Variants in DSC3 observed in about 807,000 individuals in gnomAD.
DSC3 encodes desmocollin-3.
A neutral mutation model predicts 89.5 loss-of-function variants in DSC3; 97 were observed. That is an observed-to-expected ratio of 1.08 (90% CI 0.92 to 1.28). The LOEUF (loss-of-function observed/expected upper bound fraction) is 1.28. Ranked by LOEUF, DSC3 falls within the 50% of genes most tolerant of loss-of-function variation. The pLI is 0.00. For synonymous variants in DSC3, 436 were observed against 384.1 expected (o/e 1.14, Z -1.58); for missense variants, 1,199 against 1,085.3 (o/e 1.10, Z -1.47).
intron 9 of DSC3, among the ~76,000 whole-genome samples, chr18:31,011,004 A>C (rs965028305): frequency 1.3e-5 from 2 of 152,232 alleles, no homozygotes; most frequent in Non-Finnish European, 2.9e-5. Context: ...GCTATTAGGG[A>C]GGCAGAAAGA....
rs751993597 is a variant in DSC3, at chr18:31,024,427, C to T, written c.697G>A (p.Val233Ile). 1 of 1,612,258 alleles carries T rather than the reference C, an allele frequency of 6.2e-7. No individual in the cohort carries two copies. The highest frequency in any genetic ancestry group is 1.1e-5 in the South Asian group (1 of 90,796). ...ADLPLPLPIRVEDENDNHPVF... is the reference protein window; with the variant it reads ...ADLPLPLPIRIEDENDNHPVF... ...GGGTGGTTGTCATTTTCATCCTCTA[C>T]CCTGATGGGTAGTGGGAGGGGCAGA... The change falls in exon 6 of 16, where the codon GTA becomes ATA. Residue 233 changes from valine to isoleucine, a missense_variant. By Grantham distance (29) the Val-to-Ile change is conservative. Transcript: ENST00000360428.
intron 1 of DSC3, among the ~76,000 whole-genome samples, chr18:31,037,274 A>G (rs1466704118): frequency 1.3e-5 from 2 of 152,214 alleles, no homozygotes; most frequent in Non-Finnish European, 2.9e-5. Context: ...GCTTATATCC[A>G]TGAAACTTGC....
At chr18:30,999,335 G>A (rs1984577500) in intron 14 of DSC3, among the ~76,000 whole-genome samples, 1 of 151,604 alleles carries the variant, frequency 6.6e-6, no homozygotes, top group African/African-American at 2.4e-5. Context: ...CTGTCGCATT[G>A]CCTTAGAAAA....
Position 31,014,443 on chromosome 18 carries a change from G to A in DSC3, c.1263+3628C>T, listed in dbSNP as rs138792583. On this transcript the variant is annotated intron_variant, in intron 9 of 15. Transcript: ENST00000360428. ...CTGACAGACCAAGTAAAAGTGAGAC[G>A]TTTTACACCATGTTTTTTGTTTCTT... Among the ~76,000 whole-genome samples, 1,093 of 152,000 alleles carry A rather than the reference G, an allele frequency of 7.2e-3. 10 individuals carry two copies. The highest frequency in any genetic ancestry group is 0.025 in the African/African-American group (1,054 of 41,492).
chr18:31,026,485 A>G (rs1403496467), intron 4 of DSC3, among the ~76,000 whole-genome samples: 1 of 152,080 alleles, frequency 6.6e-6, no homozygotes, highest in Non-Finnish European at 1.5e-5. Flanking sequence ...TAAGGAAAAA[A>G]GCAGGTAGAC....
chr18:31,015,386 G>A (rs1985201879), intron 9 of DSC3, among the ~76,000 whole-genome samples: 1 of 152,054 alleles, frequency 6.6e-6, no homozygotes, highest in Admixed American at 6.6e-5. Flanking sequence ...ATCACCTTTG[G>A]AAATGTTTTT....
chr18:31,032,415 G>T (rs1029479794), intron 1 of DSC3, 139 bp from the exon 2 acceptor site: 22 of 689,600 alleles, frequency 3.2e-5, no homozygotes, highest in Non-Finnish European at 5.6e-5. Context: ...GGAATAGAAA[G>T]GAATTTGCTC....
At chr18:31,033,516 AT>A (rs2144734148) in intron 1 of DSC3, among the ~76,000 whole-genome samples, 1 of 152,270 alleles carries the variant, frequency 6.6e-6, no homozygotes, top group Non-Finnish European at 1.5e-5. Context: ...TTTTCAACAA[AT>A]GGTGTTGGGA....
intron 1 of DSC3, among the ~76,000 whole-genome samples, chr18:31,036,219 A>G (rs1320978630): frequency 6.6e-6 from 1 of 152,156 alleles, no homozygotes; most frequent in East Asian, 1.9e-4. Flanking sequence ...TATTTCCCAT[A>G]TCCTCCCTTA....
intron 6 of DSC3, among the ~76,000 whole-genome samples, chr18:31,023,632 G>T (rs1985496937): frequency 6.6e-6 from 1 of 152,058 alleles, no homozygotes; most frequent in Non-Finnish European, 1.5e-5. Context: ...GCAACTACTG[G>T]AAACTTTAAA....
Position 31,024,354 on chromosome 18 carries a change from C to A in DSC3, c.770G>T (p.Arg257Ile). The change falls in exon 6 of 16, where the codon AGA (arginine) becomes ATA (isoleucine). Residue 257 changes from arginine to isoleucine, a missense_variant. By Grantham distance (97) the Arg-to-Ile change is moderately conservative. Transcript: ENST00000360428. ...IYNFEVLESSRPGTTVGVVCA... is the reference protein window; with the variant it reads ...IYNFEVLESSIPGTTVGVVCA... ...ATTCTTAAAAGCAGACTTACCAGGT[C>A]TACTACTTTCCAAAACTTCAAAATT... The A allele has an allele frequency of 6.2e-7, 1 of 1,602,090 alleles. No homozygotes were observed. The highest frequency in any genetic ancestry group is 1.1e-5 in the South Asian group (1 of 89,384).
chr18:31,026,452 A>G (rs1360749174), intron 4 of DSC3, among the ~76,000 whole-genome samples: 2 of 152,120 alleles, frequency 1.3e-5, no homozygotes, highest in Non-Finnish European at 2.9e-5. Context: ...TTTGTCAAGC[A>G]TGACTAGAGG....
intron 5 of DSC3, among the ~76,000 whole-genome samples, chr18:31,025,362 CA>C (rs1400029594): frequency 1.1e-4 from 17 of 151,854 alleles, no homozygotes; most frequent in African/African-American, 3.9e-4. Context: ...GGAAGGAAGA[CA>C]AAAATGGAAG....
Position 30,993,821 on chromosome 18 carries a change from C to T in DSC3, c.*354G>A. 1 of 190,504 alleles carries T rather than the reference C, an allele frequency of 5.2e-6. No individual in the cohort carries two copies. Among genetic ancestry groups the T allele is most frequent in the Non-Finnish European group, 1.1e-5 (1 of 91,014 alleles). The allele number at this position is 190,504 out of a possible 1,614,324, so 11.8% of individuals were successfully genotyped here. A position where few individuals can be genotyped will look rare whatever the true frequency, so the allele number is the denominator to read the frequency against. On this transcript the variant is annotated 3_prime_UTR_variant, in exon 16 of 16. Coordinates refer to ENST00000360428, the MANE Select transcript of DSC3 (RefSeq NM_001941.5). ...ATTTCTTGTTTATTTTTTAAACTAT[C>T]ACTTAAAGTGAATACATAATAATGT...
chr18:31,025,799 GC>G lies in DSC3; in HGVS notation c.590del (p.Cys197SerfsTer15). 1 of 1,613,156 alleles carries G rather than the reference GC, an allele frequency of 6.2e-7. No homozygotes were observed. On this transcript the variant is annotated frameshift_variant, in exon 5 of 16. Coordinates refer to ENST00000360428, the MANE Select transcript of DSC3 (RefSeq NM_001941.5). LOFTEE classifies it high-confidence loss of function. ...ATTCTTCACGATCCACAGGCCGAGT[GC>G]AAAATAGATTTCCAGTGTCTCTTTC... ...YIERDTGNLF[C>X]TRPVDREEYD... is the part of the protein sequence containing the mutation.
At position 31,008,474 on chromosome 18, in the gene DSC3, T is replaced by C. The variant is rs749423757; in HGVS notation, c.1315A>G (p.Asn439Asp). 1.2e-6 allele frequency: 2 copies of C among 1,614,198 alleles called. No homozygotes were observed. The highest frequency in any genetic ancestry group is 2.2e-5 in the South Asian group (2 of 91,080). Residue 439 changes from asparagine (N) to aspartate (D), a missense_variant, in exon 10 of 16, where the codon AAT (asparagine) becomes GAT (aspartate). Physicochemically the swap from Asn to Asp is conservative, Grantham distance 23. Coordinates refer to ENST00000360428, the MANE Select transcript of DSC3 (RefSeq NM_001941.5). ...ATATCTCTAGCAAATGGCGCTTCAT[T>C]GTTTACTCCAATTTCCAGGTTCACT... ...RQVNLEIGVN[N>D]EAPFARDIPR...
intron 9 of DSC3, among the ~76,000 whole-genome samples, chr18:31,010,120 C>T (rs1985007697): frequency 6.6e-6 from 1 of 152,152 alleles, no homozygotes. Flanking sequence ...TTTCTCCACA[C>T]CTAGGTATTA....
intron 7 of DSC3, among the ~76,000 whole-genome samples, chr18:31,019,129 T>C (rs1299617536): frequency 6.6e-6 from 1 of 152,218 alleles, no homozygotes; most frequent in Admixed American, 6.5e-5. Context: ...CGGAGTCTCA[T>C]ACCGTCACCC....
At chr18:31,035,014 A>G (rs1186232765) in intron 1 of DSC3, among the ~76,000 whole-genome samples, 2 of 152,176 alleles carry the variant, frequency 1.3e-5, no homozygotes, top group African/African-American at 2.4e-5. Context: ...ATGACTTTCC[A>G]CAATCACTTC....
Sources: gnomAD v4.1 joint callset for allele counts (sites outside exome capture counted in the v4.1 genomes callset) on GRCh38, gnomAD v4.1.1 for gene constraint, MANE v1.5 for transcripts, NCBI Gene and HGNC (gene_info 2026-07-23, HGNC 2026-07-21) for gene names.